Variants in PTPRE observed in about 807,000 individuals in gnomAD.
The protein encoded by PTPRE is protein tyrosine phosphatase receptor type E.
A neutral mutation model predicts 102.0 loss-of-function variants in PTPRE; 51 were observed. The ratio of observed to expected loss-of-function variants is 0.50; its 90% CI spans 0.40 to 0.63. The LOEUF is 0.63. Among genes scored for constraint, PTPRE ranks in the 30% least tolerant of loss-of-function variants. PTPRE has a pLI of 0.00. For synonymous variants in PTPRE, 345 were observed against 348.2 expected (o/e 0.99, Z 0.10); for missense variants, 752 against 915.1 (o/e 0.82, Z 2.30).
chr10:127,978,548 GAA>G (rs11350662), intron 1 of PTPRE, among the ~76,000 whole-genome samples: 2 of 151,472 alleles, frequency 1.3e-5, no homozygotes, highest in Non-Finnish European at 2.9e-5. Flanking sequence ...CTCAGTTTAA[GAA>G]AAAAAATAAA....
chr10:128,021,208 T>A (rs886832588), intron 2 of PTPRE, among the ~76,000 whole-genome samples: 1 of 152,164 alleles, frequency 6.6e-6, no homozygotes, highest in African/African-American at 2.4e-5. Context: ...TGTCTTTTTT[T>A]CAGGTGGGAT....
At chr10:128,063,469 AT>A (rs1318573981) in intron 10 of PTPRE, among the ~76,000 whole-genome samples, 1 of 152,172 alleles carries the variant, frequency 6.6e-6, no homozygotes, top group African/African-American at 2.4e-5. Flanking sequence ...TGCCTGCCTG[AT>A]GAGAGACATG....
chr10:128,046,876 G>A (rs1444637206), intron 3 of PTPRE, among the ~76,000 whole-genome samples: 1 of 152,186 alleles, frequency 6.6e-6, no homozygotes, highest in Non-Finnish European at 1.5e-5. Context: ...TCTGACAGGT[G>A]GAATCGGGAC....
At chr10:127,998,857 TC>T (rs1389726542) in intron 2 of PTPRE, 2 of 152,108 alleles carry the variant, frequency 1.3e-5, no homozygotes, top group Non-Finnish European at 2.9e-5. Flanking sequence ...GAAAAAATAT[TC>T]CCCTTTGTCA....
rs374879269 is a variant in PTPRE at position 128,080,125 on chromosome 10, G to T, written c.2028+430G>T. 5.3e-5 allele frequency among the ~76,000 whole-genome samples: 8 copies of T among 152,246 alleles called. No individual in the cohort carries two copies. In the East Asian group the frequency reaches 1.4e-3, roughly 26 times the overall value. Reference sequence around the variant, plus strand: ...CATGTGGCTTGTTTTCCCTGGCGGGGTCTCACTCAGCCTCAAGATACCGTC... The same window carrying T: ...CATGTGGCTTGTTTTCCCTGGCGGGTTCTCACTCAGCCTCAAGATACCGTC... On this transcript the variant is annotated intron_variant, in intron 20 of 20. Transcript: ENST00000254667.
Position 127,999,658 on chromosome 10 carries a change from A to G in PTPRE, c.-8+17362A>G, listed in dbSNP as rs950312718. ...CTGATTATGAACTTAAAACAAATTC[A>G]CTCTGCTGCTGTGAATTATACATTT... On this transcript the variant is annotated intron_variant, in intron 2 of 20. Transcript: ENST00000254667. 30 of 983,796 alleles carry G rather than the reference A, an allele frequency of 3.0e-5. No homozygotes were observed. The African/African-American group carries it at 4.2e-4, about 14-fold the overall frequency. The allele number at this position is 983,796 out of a possible 1,614,324, so 60.9% of individuals were successfully genotyped here.
intron 2 of PTPRE, among the ~76,000 whole-genome samples, 193 bp downstream of exon 2, chr10:127,982,489 CGTGTGTGTGT>C (rs59170572): frequency 0.054 from 7,739 of 142,664 alleles, 242 homozygotes; most frequent in Admixed American, 0.099. Context: ...ACATCATTTG[CGTGTGTGTGT>C]GTGTGTGTGT....
intron 2 of PTPRE, among the ~76,000 whole-genome samples, chr10:128,022,839 G>T (rs368713201): frequency 6.6e-6 from 1 of 152,200 alleles, no homozygotes; most frequent in African/African-American, 2.4e-5. Context: ...AGGAGATGAC[G>T]GTCGATTGGA....
chr10:128,047,283 A>C (rs4262642), intron 3 of PTPRE, 107 bp from the exon 4 acceptor site: 1,115,318 of 1,433,764 alleles, frequency 0.78, 434,401 homozygotes, highest in East Asian at 0.84. Flanking sequence ...ACTTTACAAA[A>C]TATAGTTTGG....
In PTPRE at chr10:128,028,871, C is replaced by T. The variant is rs1018704717; in HGVS notation, c.-7-12004C>T. Among the ~76,000 whole-genome samples the T allele has an allele frequency of 3.3e-5, 5 of 152,154 alleles. No homozygotes were observed. Among genetic ancestry groups the T allele is most frequent in the Non-Finnish European group, 5.9e-5 (4 of 68,018 alleles). On this transcript the variant is annotated intron_variant, in intron 2 of 20. Coordinates refer to ENST00000254667, the MANE Select transcript of PTPRE (RefSeq NM_006504.6). This position sits in a 1 kb window ranked among gnomAD's most constrained non-coding sequence, Gnocchi z 4.5. ...CTGGCCACCCCAGACGTCTGGCCCT[C>T]GTCCCGAATGCTGTCCCCTCTGGCC...
In PTPRE at chr10:128,008,696, G is replaced by A. The variant is rs1215525601; in HGVS notation, c.-8+26400G>A. On this transcript the variant is annotated intron_variant, in intron 2 of 20. Transcript: ENST00000254667. This position sits in a 1 kb window ranked among gnomAD's most constrained non-coding sequence, Gnocchi z 4.0. Reference sequence around the variant, plus strand: ...TGTGGTAATTCCGGCCAGGACTCAAGGATGTAAGAAGTAGGAGACGCAGGA... The same window carrying A: ...TGTGGTAATTCCGGCCAGGACTCAAAGATGTAAGAAGTAGGAGACGCAGGA... Among the ~76,000 whole-genome samples, 1 of 152,172 alleles carries A rather than the reference G, an allele frequency of 6.6e-6. No individual in the cohort carries two copies. The highest frequency in any genetic ancestry group is 1.9e-4 in the East Asian group (1 of 5,198).
chr10:128,042,159 T>C (rs1847748954), intron 3 of PTPRE, among the ~76,000 whole-genome samples: 1 of 152,060 alleles, frequency 6.6e-6, no homozygotes, highest in South Asian at 2.1e-4. Flanking sequence ...CAACCCACAA[T>C]CCCGACTTTT....
chr10:128,069,767 G>A lies in PTPRE; in HGVS notation c.1083G>A (p.Val361=). The A allele has an allele frequency of 6.2e-7, 1 of 1,614,214 alleles. No homozygotes were observed. Among genetic ancestry groups the A allele is most frequent in the Non-Finnish European group, 8.5e-7 (1 of 1,180,042 alleles). The change falls in exon 13 of 21, where the codon GTG becomes GTA. Residue 361 remains valine (V), a synonymous_variant. Coordinates refer to ENST00000254667, the MANE Select transcript of PTPRE (RefSeq NM_006504.6). ...CCATGATGCACGCGGAGCAGAAGGT[G>A]GATGTGTTTGAATTTGTGTCTCGAA... ...MMAMMHAEQK[V]DVFEFVSRIR...
At chr10:128,075,276 G>A (rs1035344702) in intron 17 of PTPRE, among the ~76,000 whole-genome samples, 27 of 152,304 alleles carry the variant, frequency 1.8e-4, no homozygotes, top group Admixed American at 4.6e-4. Flanking sequence ...AGTGCTACCT[G>A]TACATTCTTT....
chr10:128,049,700 T>TC (rs761317153), intron 6 of PTPRE, 34 bp downstream of exon 6: 23 of 1,612,754 alleles, frequency 1.4e-5, no homozygotes, highest in Admixed American at 5.0e-5. Context: ...CTGGGTGCCC[T>TC]GTGGTGGAGA....
chr10:128,017,684 C>G (rs1472582631), intron 2 of PTPRE, among the ~76,000 whole-genome samples: 1 of 152,164 alleles, frequency 6.6e-6, no homozygotes, highest in African/African-American at 2.4e-5. Context: ...GGACAGATTT[C>G]CGGTGACCAG....
chr10:127,972,968 TAAAG>T (rs1471823721), intron 1 of PTPRE, among the ~76,000 whole-genome samples: 2 of 152,194 alleles, frequency 1.3e-5, no homozygotes, highest in African/African-American at 4.8e-5. Flanking sequence ...CCTTGAGTTG[TAAAG>T]AAAGAAAATA....
At chr10:128,025,988 A>G (rs564939599) in intron 2 of PTPRE, among the ~76,000 whole-genome samples, 2 of 152,298 alleles carry the variant, frequency 1.3e-5, no homozygotes, top group African/African-American at 4.8e-5. Context: ...CCAGAAGTAC[A>G]ATCTCCCAGG....
intron 2 of PTPRE, among the ~76,000 whole-genome samples, chr10:127,988,618 T>C (rs1589920915): frequency 1.3e-5 from 2 of 152,262 alleles, no homozygotes; most frequent in African/African-American, 4.8e-5. Context: ...GGTGACTTTT[T>C]AAAGCTGCTC....
Sources: gnomAD v4.1 joint callset for allele counts (sites outside exome capture counted in the v4.1 genomes callset) on GRCh38, gnomAD v4.1.1 for gene constraint, Gnocchi (gnomAD v3.1) non-coding constraint, MANE v1.5 for transcripts, NCBI Gene and HGNC (gene_info 2026-07-23, HGNC 2026-07-21) for gene names.